The following MICU1 variants were observed in gnomAD, a reference collection of about 807,000 sequenced individuals.
MICU1 encodes the protein mitochondrial calcium uptake 1.
Under a neutral mutation model 56.8 loss-of-function variants are expected in MICU1, and 45 were observed. That is an observed-to-expected ratio of 0.79 (90% CI 0.62 to 1.02). MICU1 has a LOEUF of 1.02. Ranked by LOEUF, MICU1 falls within the 50% of genes least tolerant of loss-of-function variation. The probability of loss-of-function intolerance (pLI) is 0.00; values close to 1 mark genes in which losing one functional copy is unlikely to be tolerated. For synonymous variants in MICU1, 186 were observed against 195.1 expected, an observed-to-expected ratio of 0.95 and a Z score of 0.39; for missense variants, 504 against 587.1, an observed-to-expected ratio of 0.86 and a Z score of 1.46.
intron 10 of MICU1, among the ~76,000 whole-genome samples, chr10:72,379,103 C>T (rs1422431401): frequency 1.3e-5 from 2 of 152,176 alleles, no homozygotes; most frequent in African/African-American, 2.4e-5. Context: ...CTTGATTTGG[C>T]TCAGGAAAAA....
At position 72,472,805 on chromosome 10, in the gene MICU1, A is replaced by G. The variant is rs538885328; in HGVS notation, c.933+2295T>C. 9.2e-5 allele frequency among the ~76,000 whole-genome samples: 14 copies of G among 152,304 alleles called. No individual in the cohort carries two copies. The East Asian group carries it at 2.5e-3, about 27-fold the overall frequency. ...TTCCTATGGCATATTTCTGGTCACA[A>G]AAACATCAGCATGGCTGGGAGTGGT... On this transcript the variant is annotated intron_variant, in intron 8 of 11. Coordinates refer to ENST00000361114, the MANE Select transcript of MICU1 (RefSeq NM_001195518.2).
chr10:72,463,428 C>T (rs1390978186), intron 8 of MICU1, among the ~76,000 whole-genome samples: 1 of 152,158 alleles, frequency 6.6e-6, no homozygotes, highest in Non-Finnish European at 1.5e-5. Context: ...AAACTTTGCC[C>T]ACATAATATA....
intron 1 of MICU1, among the ~76,000 whole-genome samples, chr10:72,612,281 A>G (rs1841871825): frequency 1.0e-5 from 1 of 97,684 alleles, no homozygotes; most frequent in Admixed American, 9.1e-5. Context: ...TGTTTTCTTA[A>G]CCAAAAAAAA....
intron 4 of MICU1, among the ~76,000 whole-genome samples, chr10:72,547,014 C>G (rs1839911154): frequency 6.6e-6 from 1 of 152,024 alleles, no homozygotes; most frequent in South Asian, 2.1e-4. Flanking sequence ...GCCTCAGCCT[C>G]CCGAGTAGCT....
intron 8 of MICU1, among the ~76,000 whole-genome samples, chr10:72,429,959 T>C (rs1263488627): frequency 2.0e-5 from 3 of 152,244 alleles, no homozygotes; most frequent in Non-Finnish European, 4.4e-5. Flanking sequence ...GGTCTCAGTA[T>C]CAGAACAGTT....
intron 6 of MICU1, among the ~76,000 whole-genome samples, chr10:72,505,524 C>T (rs181986328): frequency 1.6e-3 from 240 of 152,266 alleles, no homozygotes; most frequent in South Asian, 4.8e-3. Flanking sequence ...ATGTTCATCG[C>T]AGATTTATTC....
rs1840120746 is a variant in MICU1, at chr10:72,554,877, T to TAA, written c.331-3537_331-3536insTT. On this transcript the variant is annotated intron_variant, in intron 3 of 11. Coordinates refer to ENST00000361114, the MANE Select transcript of MICU1 (RefSeq NM_001195518.2). ...TAAAAATACAAAAATTAGGTAGTTGTGGTGGTACACACCTGTAGTCCCAGC... is the reference window on the plus strand; with the variant it reads ...TAAAAATACAAAAATTAGGTAGTTGTAAGGTGGTACACACCTGTAGTCCCAGC... Among the ~76,000 whole-genome samples the TAA allele has an allele frequency of 2.0e-5, 3 of 152,112 alleles. No individual in the cohort carries two copies. The South Asian group carries it at 6.2e-4, about 32-fold the overall frequency.
intron 8 of MICU1, among the ~76,000 whole-genome samples, chr10:72,452,028 C>T (rs1028666485): frequency 2.1e-4 from 32 of 151,996 alleles, no homozygotes; most frequent in African/African-American, 7.3e-4. Context: ...CCATGCCTGG[C>T]TAATTTTTTC....
At chr10:72,598,393 C>G (rs1428073121) in intron 1 of MICU1, among the ~76,000 whole-genome samples, 1 of 151,888 alleles carries the variant, frequency 6.6e-6, no homozygotes, top group African/African-American at 2.4e-5. Context: ...GTAGCTGAGA[C>G]TACAGGCGCC....
At chr10:72,622,014 C>A (rs982579652) in intron 1 of MICU1, among the ~76,000 whole-genome samples, 9 of 152,096 alleles carry the variant, frequency 5.9e-5, no homozygotes. Context: ...CCCAGGTTCA[C>A]GCCATTCTCC....
At chr10:72,515,575 C>T (rs1236807470) in intron 5 of MICU1, among the ~76,000 whole-genome samples, 1 of 152,162 alleles carries the variant, frequency 6.6e-6, no homozygotes. Flanking sequence ...CCCTCACACA[C>T]TTGTTACTAC....
Position 72,569,237 on chromosome 10 carries a change from A to ATATATTTTTT in MICU1, c.-1-2444_-1-2443insAAAAAATATA. Among the ~76,000 whole-genome samples, 96 of 34,366 alleles carry ATATATTTTTT rather than the reference A, an allele frequency of 2.8e-3. 2 individuals are homozygous for ATATATTTTTT. Among genetic ancestry groups the ATATATTTTTT allele is most frequent in the Non-Finnish European group, 4.0e-3 (78 of 19,566 alleles). The allele number at this position is 34,366 out of a possible 152,430, so 22.5% of individuals were successfully genotyped here. ...TATATATATATATATATATATATATATTTTTTTTTTTTTTTGAGATGGCGT... is the reference window on the plus strand; with the variant it reads ...TATATATATATATATATATATATATATATATTTTTTTTTTTTTTTTTTTTTGAGATGGCGT... On this transcript the variant is annotated intron_variant, in intron 1 of 11. Coordinates refer to ENST00000361114, the MANE Select transcript of MICU1 (RefSeq NM_001195518.2).
chr10:72,569,224 TATA>T lies in MICU1; in HGVS notation c.-1-2433_-1-2431del, dbSNP rs1483265891. Among the ~76,000 whole-genome samples the T allele has an allele frequency of 2.3e-3, 107 of 46,360 alleles. 1 individual carries two copies. Among genetic ancestry groups the T allele is most frequent in the African/African-American group, 8.6e-3 (93 of 10,820 alleles). 30.4% of individuals were successfully genotyped at this position (46,360 alleles called of 152,430 possible). On this transcript the variant is annotated intron_variant, in intron 1 of 11. Transcript: ENST00000361114. Reference sequence around the variant, plus strand: ...ATATATGCATATATATATATATATATATATATATATATATTTTTTTTTTTTTTT... The same window carrying T: ...ATATATGCATATATATATATATATATTATATATATATTTTTTTTTTTTTTT...
chr10:72,500,283 T>C (rs1300560231), intron 6 of MICU1, among the ~76,000 whole-genome samples: 1 of 10,044 alleles, frequency 1.0e-4, no homozygotes, highest in Non-Finnish European at 5.3e-4. Flanking sequence ...TATATATATA[T>C]ATATATATAT....
intron 5 of MICU1, among the ~76,000 whole-genome samples, chr10:72,514,403 G>T (rs1244836856): frequency 6.6e-6 from 1 of 151,032 alleles, no homozygotes; most frequent in Non-Finnish European, 1.5e-5. Flanking sequence ...ATAATTTCTT[G>T]TTGAAACTGG....
intron 10 of MICU1, among the ~76,000 whole-genome samples, chr10:72,382,270 C>T (rs546837594): frequency 9.7e-4 from 127 of 131,114 alleles, no homozygotes; most frequent in African/African-American, 3.1e-3. Flanking sequence ...CCACCACGTC[C>T]GGCTAATTTT....
At chr10:72,584,027 T>A (rs998048374) in intron 1 of MICU1, among the ~76,000 whole-genome samples, 7 of 152,222 alleles carry the variant, frequency 4.6e-5, no homozygotes, top group Non-Finnish European at 7.3e-5. Flanking sequence ...CTCTACAGTA[T>A]AAAATGATAA....
chr10:72,455,897 G>A (rs1275848312), intron 8 of MICU1, among the ~76,000 whole-genome samples: 5 of 152,106 alleles, frequency 3.3e-5, no homozygotes, highest in Non-Finnish European at 7.4e-5. Context: ...GGAAGGGACT[G>A]GGACTGGAAA....
In MICU1 at chr10:72,474,942, T is replaced by C. The variant is rs574743743; in HGVS notation, c.933+158A>G. ...CACTTCATGACATTTTCACAGAACA[T>C]GTTGTTTCCTATCTGCTGTCAGTTT... On this transcript the variant is annotated intron_variant, in intron 8 of 11. Coordinates refer to ENST00000361114, the MANE Select transcript of MICU1 (RefSeq NM_001195518.2). 1.3e-4 allele frequency among the ~76,000 whole-genome samples: 20 copies of C among 152,294 alleles called. No individual in the cohort carries two copies. The East Asian group carries it at 3.7e-3, about 28-fold the overall frequency.
Sources: allele counts gnomAD v4.1 joint callset (sites outside exome capture counted in the v4.1 genomes callset), GRCh38; gene constraint gnomAD v4.1.1; transcripts MANE v1.5; gene names NCBI Gene and HGNC (gene_info 2026-07-23, HGNC 2026-07-21).